The following NTRK3 variants were observed in gnomAD, a reference collection of about 807,000 sequenced individuals.
NTRK3 encodes neurotrophic receptor tyrosine kinase 3.
NTRK3 carries 24 observed loss-of-function variants against 91.7 expected under a neutral mutation model. The ratio of observed to expected loss-of-function variants is 0.26; its 90% CI spans 0.19 to 0.37. NTRK3 has a LOEUF of 0.37. Among genes scored for constraint, NTRK3 ranks in the 10% least tolerant of loss-of-function variants. The pLI is 1.00. For missense variants in NTRK3, 880 were observed against 1,068.9 expected, an observed-to-expected ratio of 0.82 and a Z score of 2.46; for synonymous variants, 483 against 404.0, an observed-to-expected ratio of 1.20 and a Z score of -2.34.
At chr15:87,896,541 TCC>T (rs1179767952) in intron 17 of NTRK3, among the ~76,000 whole-genome samples, 1 of 151,910 alleles carries the variant, frequency 6.6e-6, no homozygotes, top group Non-Finnish European at 1.5e-5. Context: ...AGAGTTTGAC[TCC>T]ATTCATCGAC....
chr15:88,230,621 A>G lies in NTRK3; in HGVS notation c.248+25285T>C, dbSNP rs552660754. 2.0e-5 allele frequency among the ~76,000 whole-genome samples: 3 copies of G among 152,270 alleles called. No individual in the cohort carries two copies. The East Asian group carries it at 5.8e-4, about 29-fold the overall frequency. Reference sequence around the variant, plus strand: ...ATTATTAATAATCATGTACCAACCAATCTTCTTGCCTTCTCCTATTAGCTT... The same window carrying G: ...ATTATTAATAATCATGTACCAACCAGTCTTCTTGCCTTCTCCTATTAGCTT... On this transcript the variant is annotated intron_variant, in intron 3 of 18. Transcript: ENST00000394480.
intron 16 of NTRK3, 110 bp downstream of exon 16, chr15:87,932,902 T>C (rs1193037853): frequency 7.6e-5 from 83 of 1,091,544 alleles, no homozygotes; most frequent in Non-Finnish European, 1.1e-4. Context: ...TAATTTCTCA[T>C]CCTGAGAGGA....
At chr15:87,867,049 C>A (rs1210385899) in exon 19 of NTRK3, 1 of 222,704 alleles carries the variant, frequency 4.5e-6, no homozygotes, top group Non-Finnish European at 9.0e-6. Context: ...GAAAGGCTCC[C>A]CTTTCCTAAC....
At chr15:87,922,566 A>G (rs983555462) in intron 17 of NTRK3, among the ~76,000 whole-genome samples, 19 of 152,242 alleles carry the variant, frequency 1.2e-4, no homozygotes, top group Non-Finnish European at 2.5e-4. Flanking sequence ...TTCAAAAAAC[A>G]AAAAATGAAA....
At chr15:88,017,357 G>A (rs760449930) in intron 14 of NTRK3, among the ~76,000 whole-genome samples, 1 of 152,164 alleles carries the variant, frequency 6.6e-6, no homozygotes, top group Non-Finnish European at 1.5e-5. Context: ...AGGAAAAGAC[G>A]GCACCAGAAT....
intron 13 of NTRK3, among the ~76,000 whole-genome samples, chr15:88,111,902 G>GTT (rs2051407324): frequency 1.1e-5 from 1 of 91,766 alleles, no homozygotes. Context: ...TTTTTTTTTT[G>GTT]TTTTTGTTTT....
chr15:88,214,569 C>G (rs893741777), intron 3 of NTRK3, among the ~76,000 whole-genome samples: 28 of 151,392 alleles, frequency 1.8e-4, no homozygotes, highest in African/African-American at 6.8e-4. Context: ...TACAAGGACA[C>G]TACTGAACCT....
chr15:88,069,631 A>G (rs758583826), intron 13 of NTRK3, among the ~76,000 whole-genome samples: 2 of 152,206 alleles, frequency 1.3e-5, no homozygotes, highest in African/African-American at 4.8e-5. Context: ...AGAGATGCCC[A>G]GGCCTGTGTT....
chr15:87,954,573 G>A (rs539588746), intron 14 of NTRK3, among the ~76,000 whole-genome samples: 1 of 152,144 alleles, frequency 6.6e-6, no homozygotes, highest in Non-Finnish European at 1.5e-5. Flanking sequence ...TAAATATTTG[G>A]ATGGAAGACC....
intron 13 of NTRK3, among the ~76,000 whole-genome samples, chr15:88,107,075 T>A (rs915753939): frequency 7.2e-5 from 11 of 152,224 alleles, no homozygotes; most frequent in Non-Finnish European, 1.6e-4. Flanking sequence ...CATTTCTGAA[T>A]AATAAGATTA....
intron 17 of NTRK3, among the ~76,000 whole-genome samples, chr15:87,925,366 G>A (rs776821678): frequency 6.6e-6 from 1 of 151,950 alleles, no homozygotes; most frequent in Non-Finnish European, 1.5e-5. Flanking sequence ...ATAAGGAGGA[G>A]TTTATCTCCA....
chr15:88,088,906 G>A (rs1405213976), intron 13 of NTRK3, among the ~76,000 whole-genome samples: 1 of 152,082 alleles, frequency 6.6e-6, no homozygotes, highest in Admixed American at 6.6e-5. Flanking sequence ...GTGTCCCCAG[G>A]TATAAAATGG....
rs183523267 is a variant in NTRK3 at position 88,009,095 on chromosome 15, T to C, written c.1585+23762A>G. Among the ~76,000 whole-genome samples, 3 of 152,334 alleles carry C rather than the reference T, an allele frequency of 2.0e-5. No individual in the cohort carries two copies. In the East Asian group the frequency reaches 5.8e-4, roughly 29 times the overall value. On this transcript the variant is annotated intron_variant, in intron 14 of 18. Coordinates refer to ENST00000394480, the Ensembl canonical transcript of NTRK3. ...GGGAAGAGACTTGTCATTGTCTGCA[T>C]GTTTTTGAGGCTTATAGCTAAAGAG...
chr15:88,071,895 C>T (rs2047116487), intron 13 of NTRK3, among the ~76,000 whole-genome samples: 1 of 152,136 alleles, frequency 6.6e-6, no homozygotes, highest in South Asian at 2.1e-4. Context: ...CTTTTGGTGC[C>T]TTGGCTCTTA....
chr15:87,877,608 C>T (rs1319679583), intron 18 of NTRK3, among the ~76,000 whole-genome samples: 4 of 152,134 alleles, frequency 2.6e-5, no homozygotes, highest in African/African-American at 7.2e-5. Flanking sequence ...TGGCAGGCTC[C>T]CAGTTGCAGA....
At chr15:87,945,414 T>C (rs912987579) in intron 14 of NTRK3, among the ~76,000 whole-genome samples, 2 of 152,204 alleles carry the variant, frequency 1.3e-5, no homozygotes, top group African/African-American at 4.8e-5. Context: ...AAGATAACTA[T>C]TCCATATGTG....
intron 16 of NTRK3, among the ~76,000 whole-genome samples, chr15:87,929,890 C>T (rs2068641255): frequency 6.6e-6 from 1 of 152,198 alleles, no homozygotes; most frequent in Admixed American, 6.5e-5. Context: ...CAGCCAAAGT[C>T]CCAGAGGTCC....
At chr15:87,989,626 A>G (rs1596552275) in intron 14 of NTRK3, among the ~76,000 whole-genome samples, 1 of 152,202 alleles carries the variant, frequency 6.6e-6, no homozygotes, top group Middle Eastern at 3.4e-3. Context: ...CGTTGTGCAC[A>G]TGTACCCTAG....
At chr15:88,086,269 C>T (rs1214288428) in intron 13 of NTRK3, among the ~76,000 whole-genome samples, 3 of 152,126 alleles carry the variant, frequency 2.0e-5, no homozygotes, top group South Asian at 2.1e-4. Flanking sequence ...ACTATATGCC[C>T]GATCTGCAAT....
Sources: gnomAD v4.1 joint callset for allele counts (sites outside exome capture counted in the v4.1 genomes callset) on GRCh38, gnomAD v4.1.1 for gene constraint, MANE v1.5 for transcripts, NCBI Gene and HGNC (gene_info 2026-07-23, HGNC 2026-07-21) for gene names.